The following GALNT18 variants were observed in gnomAD, a reference collection of about 807,000 sequenced individuals.
The protein encoded by GALNT18 is polypeptide N-acetylgalactosaminyltransferase 18, also known as GalNAc-transferase 18.
In GALNT18, 44 loss-of-function variants were observed where a neutral mutation model predicts 69.5. That is an observed-to-expected ratio of 0.63 (90% CI 0.50 to 0.81). GALNT18 has a LOEUF of 0.81. Among genes scored for constraint, GALNT18 ranks in the 40% least tolerant of loss-of-function variants. GALNT18 has a pLI of 0.00. For synonymous variants in GALNT18, 364 were observed against 318.2 expected, an observed-to-expected ratio of 1.14 and a Z score of -1.53; for missense variants, 715 against 810.0, an observed-to-expected ratio of 0.88 and a Z score of 1.42.
chr11:11,288,807 A>T (rs1335207452), intron 10 of GALNT18, among the ~76,000 whole-genome samples: 4 of 152,144 alleles, frequency 2.6e-5, no homozygotes, highest in Non-Finnish European at 5.9e-5. Context: ...TTAAGCAGAA[A>T]ATCAGGGTAT....
rs536353563 is a variant in GALNT18 at position 11,469,312 on chromosome 11, A to G, written c.236-20376T>C. Among the ~76,000 whole-genome samples, 3 of 152,318 alleles carry G rather than the reference A, an allele frequency of 2.0e-5. No homozygotes were observed. Among genetic ancestry groups the G allele is most frequent in the Admixed American group, 2.0e-4 (3 of 15,292 alleles). ...CAGAGGGAGCAGATGAAAGGCATGG[A>G]GACAGCGCTGAAAGCCTGCCCCTCA... On this transcript the variant is annotated intron_variant, in intron 1 of 10. Transcript: ENST00000227756. The surrounding 1 kb of genome is among the most constrained non-coding windows in gnomAD (Gnocchi z 4.2).
At chr11:11,571,045 G>A (rs1388977753) in intron 1 of GALNT18, among the ~76,000 whole-genome samples, 1 of 152,090 alleles carries the variant, frequency 6.6e-6, no homozygotes, top group Non-Finnish European at 1.5e-5. Flanking sequence ...AGTCACCATG[G>A]GCCACCCTAA....
At chr11:11,524,588 T>A (rs1458571998) in intron 1 of GALNT18, among the ~76,000 whole-genome samples, 1 of 152,218 alleles carries the variant, frequency 6.6e-6, no homozygotes, top group Non-Finnish European at 1.5e-5. Context: ...GATTGGTCCT[T>A]CAGCCTGTGC....
rs77431884 is a variant in GALNT18, at chr11:11,537,885, G to A, written c.235+83474C>T. 8.2e-3 allele frequency among the ~76,000 whole-genome samples: 1,242 copies of A among 152,256 alleles called. 14 individuals carry two copies. The highest frequency in any genetic ancestry group is 0.028 in the African/African-American group (1,171 of 41,538). ...GGCTCTATTTGCTGTGAGAATCTGTGCACTGTGCATCCTTGGGAAATATGA... is the reference window on the plus strand; with the variant it reads ...GGCTCTATTTGCTGTGAGAATCTGTACACTGTGCATCCTTGGGAAATATGA... On this transcript the variant is annotated intron_variant, in intron 1 of 10. Coordinates refer to ENST00000227756, the MANE Select transcript of GALNT18 (RefSeq NM_198516.3).
intron 10 of GALNT18, among the ~76,000 whole-genome samples, chr11:11,280,646 A>C (rs1025289772): frequency 1.3e-5 from 2 of 152,110 alleles, no homozygotes; most frequent in Admixed American, 6.5e-5. Context: ...AATTTTGTAT[A>C]ATTTTCCAAA....
At chr11:11,361,782 CA>C (rs1564910296) in intron 6 of GALNT18, among the ~76,000 whole-genome samples, 1 of 152,152 alleles carries the variant, frequency 6.6e-6, no homozygotes, top group African/African-American at 2.4e-5. Context: ...ATTAAACAGC[CA>C]TAAATCCTGA....
At chr11:11,549,550 G>C (rs111445119) in intron 1 of GALNT18, among the ~76,000 whole-genome samples, 36 of 152,326 alleles carry the variant, frequency 2.4e-4, no homozygotes, top group African/African-American at 7.9e-4. Flanking sequence ...GTTGGCACTG[G>C]CACAGGCCAC....
chr11:11,528,225 G>A (rs1333079471), intron 1 of GALNT18, among the ~76,000 whole-genome samples: 1 of 152,238 alleles, frequency 6.6e-6, no homozygotes, highest in Non-Finnish European at 1.5e-5. Flanking sequence ...GAATAATATT[G>A]TGTGTTTGTG....
chr11:11,525,085 T>C (rs566226781), intron 1 of GALNT18, among the ~76,000 whole-genome samples: 44 of 151,892 alleles, frequency 2.9e-4, no homozygotes, highest in African/African-American at 1.0e-3. Flanking sequence ...ATATACAAAT[T>C]CAGAGAGGTG....
chr11:11,568,275 G>A (rs1007760664), intron 1 of GALNT18, among the ~76,000 whole-genome samples: 3 of 152,030 alleles, frequency 2.0e-5, no homozygotes, highest in Non-Finnish European at 2.9e-5. Context: ...CAGACTTCGC[G>A]ACAACTGACT....
Position 11,542,110 on chromosome 11 carries a change from C to T in GALNT18, c.235+79249G>A, listed in dbSNP as rs539519052. On this transcript the variant is annotated intron_variant, in intron 1 of 10. Transcript: ENST00000227756. The surrounding 1 kb of genome is among the most constrained non-coding windows in gnomAD (Gnocchi z 4.3). ...AGGCTGCAGAGGGTTCCACGCACCC[C>T]GCTCCTCACCCACAAGCTAGTGGGT... 7.2e-5 allele frequency among the ~76,000 whole-genome samples: 11 copies of T among 152,308 alleles called. No individual in the cohort carries two copies. The highest frequency in any genetic ancestry group is 2.1e-4 in the South Asian group (1 of 4,824).
At chr11:11,504,078 T>G (rs1260193353) in intron 1 of GALNT18, among the ~76,000 whole-genome samples, 1 of 152,272 alleles carries the variant, frequency 6.6e-6, no homozygotes, top group African/African-American at 2.4e-5. Context: ...ATAGGTTTCC[T>G]TCTATATCAT....
chr11:11,313,276 A>T (rs1036960983), intron 9 of GALNT18, among the ~76,000 whole-genome samples: 1 of 152,054 alleles, frequency 6.6e-6, no homozygotes, highest in African/African-American at 2.4e-5. Context: ...GCCAGGAGGG[A>T]GCTGATGAGC....
intron 3 of GALNT18, among the ~76,000 whole-genome samples, chr11:11,409,747 GA>G (rs1823366422): frequency 6.6e-6 from 1 of 152,152 alleles, no homozygotes; most frequent in African/African-American, 2.4e-5. Flanking sequence ...ATTACTATGT[GA>G]GTTGGAACGG....
chr11:11,364,625 T>A (rs12788510), intron 6 of GALNT18, among the ~76,000 whole-genome samples: 34,194 of 152,110 alleles, frequency 0.22, 4,696 homozygotes, highest in Middle Eastern at 0.32. Flanking sequence ...ACCAACTGAA[T>A]CTTGATTCAA....
In GALNT18 at chr11:11,347,845, A is replaced by G. The variant is rs968930091; in HGVS notation, c.1093-6841T>C. On this transcript the variant is annotated intron_variant, in intron 6 of 10. Transcript: ENST00000227756. This position sits in a 1 kb window ranked among gnomAD's most constrained non-coding sequence, Gnocchi z 4.0. ...TAACTTGGCTGCAAAAGCAGAGACA[A>G]GAGTGAAAAGCCAAAACCAGCAGGC... 6.6e-6 allele frequency among the ~76,000 whole-genome samples: 1 copy of G among 152,214 alleles called. No individual in the cohort carries two copies. Among genetic ancestry groups the G allele is most frequent in the African/African-American group, 2.4e-5 (1 of 41,466 alleles).
Position 11,480,070 on chromosome 11 carries a change from G to A in GALNT18, c.236-31134C>T, listed in dbSNP as rs952054409. 6.6e-6 allele frequency among the ~76,000 whole-genome samples: 1 copy of A among 151,756 alleles called. No homozygotes were observed. The highest frequency in any genetic ancestry group is 2.4e-5 in the African/African-American group (1 of 41,242). ...GTTTGTAGATCTTGGAGCGGGGAGG[G>A]GGTACAGGAGGCAGAAAATACTGCT... On this transcript the variant is annotated intron_variant, in intron 1 of 10. Coordinates refer to ENST00000227756, the MANE Select transcript of GALNT18 (RefSeq NM_198516.3). This position sits in a 1 kb window ranked among gnomAD's most constrained non-coding sequence, Gnocchi z 4.6.
chr11:11,300,893 C>T (rs1235645773), intron 9 of GALNT18, among the ~76,000 whole-genome samples: 1 of 152,170 alleles, frequency 6.6e-6, no homozygotes, highest in Non-Finnish European at 1.5e-5. Flanking sequence ...AGGTTGAAAA[C>T]CAGCTGGGTT....
chr11:11,521,546 C>T (rs1338310776), intron 1 of GALNT18, among the ~76,000 whole-genome samples: 3 of 152,172 alleles, frequency 2.0e-5, no homozygotes, highest in Non-Finnish European at 4.4e-5. Flanking sequence ...GTTCTGATTA[C>T]ACCACGGAAG....
Sources: allele counts gnomAD v4.1 joint callset (sites outside exome capture counted in the v4.1 genomes callset), GRCh38; gene constraint gnomAD v4.1.1; non-coding constraint Gnocchi (gnomAD v3.1); transcripts MANE v1.5; gene names NCBI Gene and HGNC (gene_info 2026-07-23, HGNC 2026-07-21).